ARHGEF38: variants seen among roughly 807,000 people sequenced by gnomAD.
ARHGEF38 encodes Rho guanine nucleotide exchange factor 38.
ARHGEF38 carries 79 observed loss-of-function variants against 79.9 expected under a neutral mutation model. The observed-to-expected ratio is 0.99, with a 90% confidence interval of 0.82 to 1.19. The LOEUF (loss-of-function observed/expected upper bound fraction) is 1.19. Among genes scored for constraint, ARHGEF38 ranks in the 50% most tolerant of loss-of-function variants. The pLI is 0.00. For missense variants in ARHGEF38, 962 were observed against 907.2 expected (o/e 1.06, Z -0.78); for synonymous variants, 366 against 328.3 (o/e 1.11, Z -1.24).
chr4:105,577,061 T>G (rs978354285), intron 1 of ARHGEF38, among the ~76,000 whole-genome samples: 1 of 150,290 alleles, frequency 6.7e-6, no homozygotes, highest in Non-Finnish European at 1.5e-5. Context: ...AAAGAAATAT[T>G]GGTTTGTAGC....
chr4:105,638,188 A>T (rs1256529736), intron 5 of ARHGEF38, among the ~76,000 whole-genome samples: 2 of 152,168 alleles, frequency 1.3e-5, no homozygotes, highest in Non-Finnish European at 2.9e-5. Context: ...ATAATCCCTC[A>T]CTTATGGCAA....
In ARHGEF38 at chr4:105,675,914, C is replaced by T. The variant is rs570642562; in HGVS notation, c.2149-1838C>T. Among the ~76,000 whole-genome samples, 22 of 152,296 alleles carry T rather than the reference C, an allele frequency of 1.4e-4. No individual in the cohort carries two copies. The South Asian group carries it at 4.6e-3, about 32-fold the overall frequency. ...GCTAATCACCTCCCCAAGGCCTTAC[C>T]TCTTAATAGCATTACCTTGTGGATT... is the stretch of plus-strand genomic sequence containing the variant. On this transcript the variant is annotated intron_variant, in intron 13 of 13. Coordinates refer to ENST00000420470, the MANE Select transcript of ARHGEF38 (RefSeq NM_001242729.2).
intron 13 of ARHGEF38, among the ~76,000 whole-genome samples, chr4:105,677,023 G>C (rs1226923296): frequency 6.6e-6 from 1 of 151,762 alleles, no homozygotes; most frequent in Non-Finnish European, 1.5e-5. Flanking sequence ...GAGTGCAGTG[G>C]CGCGATCTCG....
At chr4:105,619,633 A>T (rs1337248681) in intron 3 of ARHGEF38, among the ~76,000 whole-genome samples, 1 of 152,124 alleles carries the variant, frequency 6.6e-6, no homozygotes, top group Non-Finnish European at 1.5e-5. Flanking sequence ...AGATTTAGAA[A>T]AGTGGAGATT....
chr4:105,601,630 C>CA (rs554573712), intron 2 of ARHGEF38, among the ~76,000 whole-genome samples: 71 of 152,186 alleles, frequency 4.7e-4, no homozygotes, highest in African/African-American at 1.5e-3. Context: ...TCCTGTTAGA[C>CA]ATTGGCTAAG....
intron 6 of ARHGEF38, among the ~76,000 whole-genome samples, chr4:105,647,250 GTCT>G (rs1729883846): frequency 6.6e-6 from 1 of 151,924 alleles, no homozygotes; most frequent in Non-Finnish European, 1.5e-5. Context: ...GACGTACTCT[GTCT>G]TCTTTTCTCT....
intron 1 of ARHGEF38, among the ~76,000 whole-genome samples, chr4:105,586,858 A>C (rs184222734): frequency 1.7e-3 from 260 of 151,910 alleles, no homozygotes; most frequent in African/African-American, 6.1e-3. Flanking sequence ...TATTTCACAT[A>C]CTCCAGGAGT....
intron 4 of ARHGEF38, among the ~76,000 whole-genome samples, chr4:105,635,447 G>GA (rs560558374): frequency 1.4e-4 from 21 of 150,552 alleles, no homozygotes; most frequent in Admixed American, 6.0e-4. Flanking sequence ...AAATGAAATA[G>GA]AAAAAAAAAC....
intron 3 of ARHGEF38, among the ~76,000 whole-genome samples, chr4:105,623,208 A>T (rs922976252): frequency 1.3e-5 from 2 of 152,178 alleles, no homozygotes; most frequent in Admixed American, 6.5e-5. Flanking sequence ...CTATTTGCTG[A>T]ATGGATGAAA....
chr4:105,644,497 C>A (rs1386594400), intron 5 of ARHGEF38, among the ~76,000 whole-genome samples: 2 of 152,176 alleles, frequency 1.3e-5, no homozygotes, highest in African/African-American at 4.8e-5. Flanking sequence ...GCTCCAACTT[C>A]GTCTCAGAAG....
At chr4:105,595,779 C>T (rs889016580) in intron 2 of ARHGEF38, among the ~76,000 whole-genome samples, 28 of 152,052 alleles carry the variant, frequency 1.8e-4, no homozygotes, top group Non-Finnish European at 3.4e-4. Context: ...ATGTAAATGC[C>T]ATCTAAATTG....
chr4:105,605,830 A>G (rs4324546), intron 2 of ARHGEF38, among the ~76,000 whole-genome samples: 17,740 of 152,000 alleles, frequency 0.12, 1,106 homozygotes, highest in Middle Eastern at 0.2. Context: ...TGCAATTTCT[A>G]TCTCACAAGC....
At chr4:105,567,788 T>G (rs979913812) in intron 1 of ARHGEF38, among the ~76,000 whole-genome samples, 4 of 152,160 alleles carry the variant, frequency 2.6e-5, no homozygotes, top group African/African-American at 9.7e-5. Flanking sequence ...TTTTTTTTCT[T>G]TTATTATTAT....
intron 2 of ARHGEF38, among the ~76,000 whole-genome samples, chr4:105,597,956 A>G (rs1047435821): frequency 3.9e-5 from 6 of 152,164 alleles, no homozygotes; most frequent in Non-Finnish European, 7.3e-5. Context: ...TTTTACATGT[A>G]AGGATAAAAT....
At position 105,651,016 on chromosome 4, in the gene ARHGEF38, T is replaced by C. The variant is rs951930679; in HGVS notation, c.1008+2334T>C. On this transcript the variant is annotated intron_variant, in intron 7 of 13. Transcript: ENST00000420470. Reference sequence around the variant, plus strand: ...CATGTGTAAATGTAGGGCAAACAATTCCCCCCCCAAGTCTTTGGGATTTTG... The same window carrying C: ...CATGTGTAAATGTAGGGCAAACAATCCCCCCCCCAAGTCTTTGGGATTTTG... Among the ~76,000 whole-genome samples, 5 of 151,696 alleles carry C rather than the reference T, an allele frequency of 3.3e-5. No homozygotes were observed. In the South Asian group the frequency reaches 8.4e-4, roughly 25 times the overall value.
chr4:105,644,678 C>T (rs994291632), intron 5 of ARHGEF38, among the ~76,000 whole-genome samples: 1 of 152,184 alleles, frequency 6.6e-6, no homozygotes, highest in Non-Finnish European at 1.5e-5. Flanking sequence ...CTTTTGGGGA[C>T]TGTGGTAGAA....
chr4:105,612,726 G>A (rs1301239984), intron 2 of ARHGEF38, among the ~76,000 whole-genome samples: 1 of 151,996 alleles, frequency 6.6e-6, no homozygotes, highest in East Asian at 1.9e-4. Flanking sequence ...GTAATTCTTG[G>A]TACATAGAAG....
chr4:105,601,908 T>C (rs1727838778), intron 2 of ARHGEF38, among the ~76,000 whole-genome samples: 1 of 152,224 alleles, frequency 6.6e-6, no homozygotes, highest in South Asian at 2.1e-4. Flanking sequence ...ACAATATATT[T>C]TCCTTACTTA....
chr4:105,667,200 T>C lies in ARHGEF38; in HGVS notation c.1761T>C (p.Tyr587=), dbSNP rs1002079516. The part of the protein sequence containing the change: ...LLSTYSAEEL[Y]QAKRKCNATQ... The stretch of plus-strand genomic sequence containing the variant: ...CCACATATAGTGCAGAGGAACTCTA[T>C]CAAGCTAAGCGCAAGTGCAATGCTA... The change falls in exon 12 of 14, where the codon TAT becomes TAC. Residue 587 remains tyrosine (Y), a synonymous_variant. Coordinates refer to ENST00000420470, the MANE Select transcript of ARHGEF38 (RefSeq NM_001242729.2). 39 of 1,536,048 alleles carry C rather than the reference T, an allele frequency of 2.5e-5. No individual in the cohort carries two copies. In the African/African-American group the frequency reaches 4.0e-4, roughly 16 times the overall value.
Sources: gnomAD v4.1 joint callset for allele counts (sites outside exome capture counted in the v4.1 genomes callset) on GRCh38, gnomAD v4.1.1 for gene constraint, MANE v1.5 for transcripts, NCBI Gene and HGNC (gene_info 2026-07-23, HGNC 2026-07-21) for gene names.